DNER: variants seen among roughly 807,000 people sequenced by gnomAD.
DNER encodes delta/notch like EGF repeat containing, also known as delta and Notch-like epidermal growth factor-related receptor.
A neutral mutation model predicts 78.2 loss-of-function variants in DNER; 33 were observed. The ratio of observed to expected loss-of-function variants is 0.42; its 90% CI spans 0.32 to 0.56. The LOEUF (loss-of-function observed/expected upper bound fraction) is 0.56. DNER is among the 20% of genes least tolerant of loss of function. DNER has a pLI of 0.11. For synonymous variants in DNER, 417 were observed against 384.8 expected (o/e 1.08, Z -0.98); for missense variants, 918 against 975.3 (o/e 0.94, Z 0.78).
chr2:229,404,622 G>C, intron 10 of DNER, among the ~76,000 whole-genome samples: 1 of 152,112 alleles, frequency 6.6e-6, no homozygotes, highest in East Asian at 1.9e-4. Flanking sequence ...TGGGAGTGAT[G>C]GTAATGCCAT....
At chr2:229,674,876 A>T (rs1015054787) in intron 1 of DNER, among the ~76,000 whole-genome samples, 4 of 152,190 alleles carry the variant, frequency 2.6e-5, no homozygotes, top group Non-Finnish European at 5.9e-5. Context: ...ACAGATTGCA[A>T]ATGGTGACTT....
chr2:229,509,105 C>T (rs900019106), intron 6 of DNER, among the ~76,000 whole-genome samples: 4 of 152,042 alleles, frequency 2.6e-5, no homozygotes, highest in African/African-American at 7.2e-5. Context: ...ATAGGCTATG[C>T]GTGAACAAGA....
At chr2:229,522,527 T>TC (rs1271299346) in intron 5 of DNER, among the ~76,000 whole-genome samples, 3 of 152,242 alleles carry the variant, frequency 2.0e-5, no homozygotes, top group South Asian at 4.1e-4. Flanking sequence ...AAGAGCCTGT[T>TC]CCCACAAGTA....
At chr2:229,604,109 A>G (rs543779340) in intron 1 of DNER, among the ~76,000 whole-genome samples, 18 of 152,328 alleles carry the variant, frequency 1.2e-4, no homozygotes, top group African/African-American at 4.3e-4. Flanking sequence ...CAGAAAGCCA[A>G]TGAAACATGC....
rs183959643 is a variant in DNER, at chr2:229,508,678, G to A, written c.1147+4105C>T. 1.7e-4 allele frequency among the ~76,000 whole-genome samples: 26 copies of A among 152,138 alleles called. No homozygotes were observed. The East Asian group carries it at 4.3e-3, about 25-fold the overall frequency. The stretch of plus-strand genomic sequence containing the variant: ...GGGCAGATCACGAGGTCAGGAGATC[G>A]AGACCATCCTGGCTAACATGGTGAA... On this transcript the variant is annotated intron_variant, in intron 6 of 12. Transcript: ENST00000341772.
At chr2:229,689,448 GAGAAA>G (rs1400966924) in intron 1 of DNER, among the ~76,000 whole-genome samples, 1 of 152,144 alleles carries the variant, frequency 6.6e-6, no homozygotes, top group Admixed American at 6.5e-5. Context: ...TTTTAGCCAA[GAGAAA>G]AGAAGTGAGA....
chr2:229,469,809 G>C (rs1238625745), intron 7 of DNER, among the ~76,000 whole-genome samples: 2 of 152,180 alleles, frequency 1.3e-5, no homozygotes, highest in African/African-American at 4.8e-5. Flanking sequence ...TGGGCATGGT[G>C]GTGGGTGCCT....
chr2:229,384,178 T>A (rs1692809401), intron 11 of DNER, among the ~76,000 whole-genome samples: 1 of 152,030 alleles, frequency 6.6e-6, no homozygotes, highest in African/African-American at 2.4e-5. Context: ...AATAACGAAA[T>A]TAATGCAGAA....
At chr2:229,644,071 C>T (rs1574940938) in intron 1 of DNER, among the ~76,000 whole-genome samples, 1 of 152,138 alleles carries the variant, frequency 6.6e-6, no homozygotes, top group South Asian at 2.1e-4. Context: ...CCAGACAATG[C>T]CAGCCCAGGG....
rs1699962221 is a variant in DNER, at chr2:229,714,391, C to A, written c.33G>T (p.Ala11=). 1 of 1,189,420 alleles carries A rather than the reference C, an allele frequency of 8.4e-7. No individual in the cohort carries two copies. The highest frequency in any genetic ancestry group is 1.0e-6 in the Non-Finnish European group (1 of 963,604). 73.7% of individuals were successfully genotyped at this position (1,189,420 alleles called of 1,614,324 possible). The change falls in exon 1 of 13, where the codon GCG becomes GCT. Residue 11 remains alanine (A), a synonymous_variant. Transcript: ENST00000341772. ...GCAGGGCCAGCGCGGGCAGCAGCTG[C>A]GCACCGGGCGCCTGGGCGCGGCGGG... The part of the protein sequence containing the change: MQPRRAQAPG[A]QLLPALALLL...
At chr2:229,436,927 G>T (rs1448235370) in intron 8 of DNER, among the ~76,000 whole-genome samples, 1 of 152,184 alleles carries the variant, frequency 6.6e-6, no homozygotes, top group East Asian at 1.9e-4. Context: ...ATGGTGACAG[G>T]ATCACATCCA....
intron 9 of DNER, among the ~76,000 whole-genome samples, chr2:229,410,617 T>C (rs942471085): frequency 1.3e-5 from 2 of 152,194 alleles, no homozygotes; most frequent in African/African-American, 4.8e-5. Flanking sequence ...CAAGCAAAAA[T>C]AAACTGTAAT....
chr2:229,421,419 G>A (rs371200409), intron 8 of DNER, among the ~76,000 whole-genome samples: 5 of 150,986 alleles, frequency 3.3e-5, no homozygotes, highest in East Asian at 3.9e-4. Context: ...TACATTTAAT[G>A]CTGTGTTTTT....
At position 229,606,451 on chromosome 2, in the gene DNER, G is replaced by A. The variant is rs545762163; in HGVS notation, c.277-14563C>T. Among the ~76,000 whole-genome samples, 4 of 151,790 alleles carry A rather than the reference G, an allele frequency of 2.6e-5. No homozygotes were observed. The East Asian group carries it at 5.8e-4, about 22-fold the overall frequency. On this transcript the variant is annotated intron_variant, in intron 1 of 12. Coordinates refer to ENST00000341772, the MANE Select transcript of DNER (RefSeq NM_139072.4). ...AGAGAAATCCACCAGCAGTCCCGAG[G>A]TAACAGCAGAAAAACTGACATCTCT...
intron 1 of DNER, among the ~76,000 whole-genome samples, chr2:229,666,357 C>T (rs1699092474): frequency 6.6e-6 from 1 of 152,112 alleles, no homozygotes; most frequent in Non-Finnish European, 1.5e-5. Context: ...TTATAAAAAG[C>T]ACAGGTGCAG....
chr2:229,532,363 C>T (rs1416481159), intron 5 of DNER, among the ~76,000 whole-genome samples: 12 of 152,112 alleles, frequency 7.9e-5, no homozygotes, highest in Admixed American at 7.9e-4. Flanking sequence ...GTTTCCTTCC[C>T]TCGGCCTATT....
chr2:229,498,857 A>G (rs1225299808), intron 6 of DNER, among the ~76,000 whole-genome samples: 1 of 152,218 alleles, frequency 6.6e-6, no homozygotes, highest in East Asian at 1.9e-4. Flanking sequence ...TACAGATTCA[A>G]TGAAATTCCT....
intron 5 of DNER, among the ~76,000 whole-genome samples, chr2:229,517,565 G>A (rs1159061569): frequency 2.0e-5 from 3 of 152,196 alleles, no homozygotes; most frequent in Non-Finnish European, 2.9e-5. Flanking sequence ...TGCCTCACAT[G>A]TTCAGGAAAG....
chr2:229,488,155 G>A (rs1405038335), intron 6 of DNER, among the ~76,000 whole-genome samples: 1 of 152,234 alleles, frequency 6.6e-6, no homozygotes, highest in African/African-American at 2.4e-5. Flanking sequence ...AACTGGGTGT[G>A]GGATGGGGAG....
Sources: gnomAD v4.1 joint callset for allele counts (sites outside exome capture counted in the v4.1 genomes callset) on GRCh38, gnomAD v4.1.1 for gene constraint, MANE v1.5 for transcripts, NCBI Gene and HGNC (gene_info 2026-07-23, HGNC 2026-07-21) for gene names.